CRMP1: variants seen among roughly 807,000 people sequenced by gnomAD.
CRMP1 encodes the protein dihydropyrimidinase-related protein 1.
CRMP1 carries 19 observed loss-of-function variants against 68.3 expected under a neutral mutation model. That is an observed-to-expected ratio of 0.28 (90% CI 0.19 to 0.41). CRMP1 has a LOEUF of 0.41. Among genes scored for constraint, CRMP1 ranks in the 10% least tolerant of loss-of-function variants. The pLI is 1.00. For missense variants in CRMP1, 791 were observed against 967.4 expected, an observed-to-expected ratio of 0.82 and a Z score of 2.42; for synonymous variants, 439 against 399.6, an observed-to-expected ratio of 1.10 and a Z score of -1.18.
chr4:5,825,799 ACAC>A lies in CRMP1; in HGVS notation c.1804-143_1804-141del. 1.3e-6 allele frequency: 1 copy of A among 774,054 alleles called. No individual in the cohort carries two copies. Among genetic ancestry groups the A allele is most frequent in the Non-Finnish European group, 2.1e-6 (1 of 481,376 alleles). 47.9% of individuals were successfully genotyped at this position (774,054 alleles called of 1,614,324 possible). Reference sequence around the variant, plus strand: ...ATGCACACACACACACAACACGCACACACGACAGGTGCACTTCACACACATGCA... The same window carrying A: ...ATGCACACACACACACAACACGCACAGACAGGTGCACTTCACACACATGCA... On this transcript the variant is annotated intron_variant, in intron 12 of 13. Transcript: ENST00000324989. The surrounding 1 kb of genome is among the most constrained non-coding windows in gnomAD (Gnocchi z 4.4).
intron 1 of CRMP1, among the ~76,000 whole-genome samples, chr4:5,882,318 G>C (rs1374021576): frequency 6.6e-6 from 1 of 152,150 alleles, no homozygotes; most frequent in African/African-American, 2.4e-5. Flanking sequence ...TCAAAGTGAG[G>C]AGATGCACAG....
At position 5,821,733 on chromosome 4, in the gene CRMP1, C is replaced by T. The variant is rs763514749; in HGVS notation, c.*27G>A. The stretch of plus-strand genomic sequence containing the variant: ...GATGGACATGATTCCCAGAATCCTT[C>T]AGGCTAGCTCCTCCGCGCATCCACG... On this transcript the variant is annotated 3_prime_UTR_variant, in exon 14 of 14. Transcript: ENST00000324989. This position sits in a 1 kb window ranked among gnomAD's most constrained non-coding sequence, Gnocchi z 4.4. 12 of 1,575,402 alleles carry T rather than the reference C, an allele frequency of 7.6e-6. No homozygotes were observed. In the Admixed American group the frequency reaches 8.9e-5, roughly 12 times the overall value.
At position 5,859,858 on chromosome 4, in the gene CRMP1, C is replaced by T. The variant is rs116610616; in HGVS notation, c.655+1168G>A. On this transcript the variant is annotated intron_variant, in intron 3 of 13. Coordinates refer to ENST00000324989, the MANE Select transcript of CRMP1 (RefSeq NM_001014809.3). The surrounding 1 kb of genome is among the most constrained non-coding windows in gnomAD (Gnocchi z 5.2). Reference sequence around the variant, plus strand: ...CCAAAGGGACTCCTTTGTGAAGGAGCGGGAGAGATGGGCAGGGTTGGGGCC... The same window carrying T: ...CCAAAGGGACTCCTTTGTGAAGGAGTGGGAGAGATGGGCAGGGTTGGGGCC... Among the ~76,000 whole-genome samples the T allele has an allele frequency of 0.02, 3,000 of 152,202 alleles. 55 individuals are homozygous for T. The highest frequency in any genetic ancestry group is 0.046 in the South Asian group (221 of 4,824).
At position 5,843,435 on chromosome 4, in the gene CRMP1, C is replaced by T. The variant is rs538936064; in HGVS notation, c.964-274G>A. Among the ~76,000 whole-genome samples the T allele has an allele frequency of 2.0e-5, 3 of 152,258 alleles. No homozygotes were observed. Among genetic ancestry groups the T allele is most frequent in the African/African-American group, 7.2e-5 (3 of 41,552 alleles). Reference sequence around the variant, plus strand: ...AATGAGAGGAAGCAGGGTTATAAGACACGAGCTTCCAAGGCCACCCACCAC... The same window carrying T: ...AATGAGAGGAAGCAGGGTTATAAGATACGAGCTTCCAAGGCCACCCACCAC... On this transcript the variant is annotated intron_variant, in intron 6 of 13. Transcript: ENST00000324989. This position sits in a 1 kb window ranked among gnomAD's most constrained non-coding sequence, Gnocchi z 4.1.
intron 1 of CRMP1, chr4:5,887,651 C>G: frequency 1.0e-6 from 1 of 985,624 alleles, no homozygotes; most frequent in Non-Finnish European, 1.2e-6. Flanking sequence ...CAGCGTCGCC[C>G]CATTAGGTTA....
intron 1 of CRMP1, among the ~76,000 whole-genome samples, chr4:5,875,573 G>A (rs1241210654): frequency 2.0e-5 from 3 of 152,170 alleles, no homozygotes; most frequent in African/African-American, 7.2e-5. Flanking sequence ...TTTGAGCTGA[G>A]TTCCACAATA....
At chr4:5,857,923 C>T (rs949507154) in intron 3 of CRMP1, among the ~76,000 whole-genome samples, 1 of 152,124 alleles carries the variant, frequency 6.6e-6, no homozygotes, top group African/African-American at 2.4e-5. Context: ...AGGCTTACTG[C>T]CCTGTTTCTT....
In CRMP1 at chr4:5,821,733, C is replaced by A; in HGVS notation, c.*27G>T. On this transcript the variant is annotated 3_prime_UTR_variant, in exon 14 of 14. Coordinates refer to ENST00000324989, the MANE Select transcript of CRMP1 (RefSeq NM_001014809.3). The surrounding 1 kb of genome is among the most constrained non-coding windows in gnomAD (Gnocchi z 4.4). The stretch of plus-strand genomic sequence containing the variant: ...GATGGACATGATTCCCAGAATCCTT[C>A]AGGCTAGCTCCTCCGCGCATCCACG... 1 of 1,575,520 alleles carries A rather than the reference C, an allele frequency of 6.3e-7. No homozygotes were observed. The highest frequency in any genetic ancestry group is 8.7e-7 in the Non-Finnish European group (1 of 1,155,324).
At chr4:5,830,858 G>C (rs1473538046) in intron 11 of CRMP1, among the ~76,000 whole-genome samples, 3 of 152,172 alleles carry the variant, frequency 2.0e-5, no homozygotes, top group African/African-American at 7.2e-5. Context: ...ATCACATCAA[G>C]TTTATAGATT....
In CRMP1 at chr4:5,843,270, C is replaced by T. The variant is rs116097158; in HGVS notation, c.964-109G>A. The stretch of plus-strand genomic sequence containing the variant: ...AGGGGGCAGCTGGGTCCCAAAGAGG[C>T]GAGTGGCTTGCACTAGGTTAACAGT... On this transcript the variant is annotated intron_variant, in intron 6 of 13. Coordinates refer to ENST00000324989, the MANE Select transcript of CRMP1 (RefSeq NM_001014809.3). The surrounding 1 kb of genome is among the most constrained non-coding windows in gnomAD (Gnocchi z 4.1). The T allele has an allele frequency of 1.9e-3, 2,066 of 1,090,702 alleles. 20 individuals are homozygous for T. The African/African-American group carries it at 0.025, about 13-fold the overall frequency. The allele number at this position is 1,090,702 out of a possible 1,614,324, so 67.6% of individuals were successfully genotyped here.
chr4:5,828,835 T>G (rs987460915), intron 11 of CRMP1, among the ~76,000 whole-genome samples, 167 bp from the exon 12 acceptor site: 2 of 152,158 alleles, frequency 1.3e-5, no homozygotes, highest in Admixed American at 1.3e-4. Context: ...TGGTCCACAG[T>G]GTATATAACC....
In CRMP1 at chr4:5,893,073, C is replaced by G. The variant is rs1263897388; in HGVS notation, c.-104G>C. On this transcript the variant is annotated 5_prime_UTR_variant, in exon 1 of 14. Transcript: ENST00000324989. ...CGCCTCGGTGCGGGCCTGCGGCGGC[C>G]CGGGCGCGACTGCGGCCCAGGGAGG... 8.8e-6 allele frequency: 7 copies of G among 796,306 alleles called. No homozygotes were observed. Among genetic ancestry groups the G allele is most frequent in the Non-Finnish European group, 1.1e-5 (7 of 658,654 alleles). 49.3% of individuals were successfully genotyped at this position (796,306 alleles called of 1,614,324 possible).
chr4:5,836,085 C>T lies in CRMP1; in HGVS notation c.1453G>A (p.Ala485Thr). 6.7e-7 allele frequency: 1 copy of T among 1,503,164 alleles called. No homozygotes were observed. Among genetic ancestry groups the T allele is most frequent in the Non-Finnish European group, 8.9e-7 (1 of 1,128,118 alleles). The allele number at this position is 1,503,164 out of a possible 1,614,324, so 93.1% of individuals were successfully genotyped here. Residue 485 changes from alanine to threonine, a missense_variant and splice_region_variant, in exon 11 of 14, where the codon GCT (alanine) becomes ACT (threonine). This residue lies in a region of CRMP1 where 594 missense variants were observed against 763.6 expected (regional missense o/e 0.78). Coordinates refer to ENST00000324989, the MANE Select transcript of CRMP1 (RefSeq NM_001014809.3). Reference sequence around the variant, plus strand: ...TGGTTCTCATCCATTTTGCCAGTAGCCTACAGGCAAGACCCACAGATGAGA... The same window carrying T: ...TGGTTCTCATCCATTTTGCCAGTAGTCTACAGGCAAGACCCACAGATGAGA... ...RMTVVWDKAVATGKMDENQFV... is the reference protein window; with the variant it reads ...RMTVVWDKAVTTGKMDENQFV...
Position 5,838,073 on chromosome 4 carries a change from T to G in CRMP1, c.1311-1167A>C, listed in dbSNP as rs986400609. Among the ~76,000 whole-genome samples the G allele has an allele frequency of 4.6e-5, 7 of 152,278 alleles. No homozygotes were observed. Among genetic ancestry groups the G allele is most frequent in the African/African-American group, 1.7e-4 (7 of 41,542 alleles). On this transcript the variant is annotated intron_variant, in intron 9 of 13. Transcript: ENST00000324989. This position sits in a 1 kb window ranked among gnomAD's most constrained non-coding sequence, Gnocchi z 4.9. ...CTGGGGACAGGCTGGAGATGCCATTTCCAGGAGGATAATCAGAAAATTACG... is the reference window on the plus strand; with the variant it reads ...CTGGGGACAGGCTGGAGATGCCATTGCCAGGAGGATAATCAGAAAATTACG...
At chr4:5,880,959 A>G (rs544736722) in intron 1 of CRMP1, among the ~76,000 whole-genome samples, 1 of 152,336 alleles carries the variant, frequency 6.6e-6, no homozygotes, top group South Asian at 2.1e-4. Flanking sequence ...CCAGTCTTCC[A>G]AGTATCCATG....
At chr4:5,873,712 G>A (rs971576049) in intron 1 of CRMP1, among the ~76,000 whole-genome samples, 1 of 152,144 alleles carries the variant, frequency 6.6e-6, no homozygotes, top group Non-Finnish European at 1.5e-5. Context: ...TTGAGATTTG[G>A]GTGGGGACAG....
At position 5,851,984 on chromosome 4, in the gene CRMP1, G is replaced by C. The variant is rs542670411; in HGVS notation, c.821-515C>G. ...GGAGGAAGAGGAAGAGGAGGAGGAA[G>C]AGGAAGAGGAGGAGAAAGAGGACGA... On this transcript the variant is annotated intron_variant, in intron 4 of 13. Transcript: ENST00000324989. Among the ~76,000 whole-genome samples the C allele has an allele frequency of 4.1e-3, 608 of 149,344 alleles. 3 individuals carry two copies. The highest frequency in any genetic ancestry group is 0.013 in the African/African-American group (540 of 40,732).
chr4:5,887,394 C>A, intron 1 of CRMP1: 2 of 985,638 alleles, frequency 2.0e-6, no homozygotes, highest in Non-Finnish European at 2.4e-6. Context: ...CATACATGGG[C>A]TCCAGTGGTC....
At chr4:5,836,296 C>G (rs1234908910) in intron 10 of CRMP1, among the ~76,000 whole-genome samples, 1 of 152,188 alleles carries the variant, frequency 6.6e-6, no homozygotes, top group Admixed American at 6.5e-5. Flanking sequence ...TATGTTGACG[C>G]AAGAGCCACT....
Sources: gnomAD v4.1 joint callset for allele counts (sites outside exome capture counted in the v4.1 genomes callset) on GRCh38, gnomAD v4.1.1 for gene constraint, gnomAD v4.1.1 regional missense constraint, Gnocchi (gnomAD v3.1) non-coding constraint, MANE v1.5 for transcripts, NCBI Gene and HGNC (gene_info 2026-07-23, HGNC 2026-07-21) for gene names.